Variants in FER observed in about 807,000 individuals in gnomAD.
FER encodes the protein FER tyrosine kinase.
In FER, 63 loss-of-function variants were observed where a neutral mutation model predicts 111.0. The observed-to-expected ratio is 0.57, with a 90% CI of 0.46 to 0.70. FER has a LOEUF of 0.70. Among genes scored for constraint, FER ranks in the 30% least tolerant of loss-of-function variants. The probability of loss-of-function intolerance (pLI) is 0.00; values close to 1 mark genes in which losing one functional copy is unlikely to be tolerated. For missense variants in FER, 914 were observed against 954.0 expected, an observed-to-expected ratio of 0.96 and a Z score of 0.55; for synonymous variants, 327 against 313.9, an observed-to-expected ratio of 1.04 and a Z score of -0.44.
intron 17 of FER, among the ~76,000 whole-genome samples, chr5:109,142,038 A>G (rs1021708644): frequency 6.6e-6 from 1 of 152,142 alleles, no homozygotes; most frequent in African/African-American, 2.4e-5. Flanking sequence ...CTGGTTTGTT[A>G]GTACCACTGA....
chr5:109,108,508 T>G (rs1432207987), intron 17 of FER, among the ~76,000 whole-genome samples: 2 of 152,134 alleles, frequency 1.3e-5, no homozygotes. Context: ...GGATGATTCA[T>G]TCCCTCACAT....
rs966728097 is a variant in FER at position 109,190,275 on chromosome 5, T to TAAGA, written c.*2703_*2706dup. 1.3e-5 allele frequency: 2 copies of TAAGA among 152,166 alleles called. No individual in the cohort carries two copies. The highest frequency in any genetic ancestry group is 4.8e-5 in the African/African-American group (2 of 41,528). The allele number at this position is 152,166 out of a possible 1,614,324, so 9.4% of individuals were successfully genotyped here. A position where few individuals can be genotyped will look rare whatever the true frequency, so the allele number is the denominator to read the frequency against. On this transcript the variant is annotated 3_prime_UTR_variant, in exon 20 of 20. Transcript: ENST00000281092. ...GTACAAAATCCTGTGATTTGTTTAG[T>TAAGA]AAGAAAAGAGTTGTAACCAAAATTT...
intron 13 of FER, among the ~76,000 whole-genome samples, chr5:109,017,399 T>G (rs1290953790): frequency 1.3e-5 from 2 of 152,008 alleles, no homozygotes; most frequent in African/African-American, 4.8e-5. Flanking sequence ...TTGCTTTGGA[T>G]TGTTTTGAAG....
intron 17 of FER, among the ~76,000 whole-genome samples, chr5:109,102,175 A>G (rs1030318916): frequency 2.1e-4 from 32 of 152,188 alleles, no homozygotes; most frequent in African/African-American, 7.0e-4. Context: ...TTCCCTCTCT[A>G]AATCATAATA....
Position 108,821,004 on chromosome 5 carries a change from C to T in FER, c.208-11766C>T, listed in dbSNP as rs75159616. 7.2e-5 allele frequency among the ~76,000 whole-genome samples: 11 copies of T among 152,076 alleles called. 1 individual carries two copies. The East Asian group carries it at 7.7e-4, about 11-fold the overall frequency. On this transcript the variant is annotated intron_variant, in intron 3 of 19. Transcript: ENST00000281092. Reference sequence around the variant, plus strand: ...GCACATGCCTGTAATCCCAGCTACTCGGGAGGTTGAGGCAAGAGAATCACT... The same window carrying T: ...GCACATGCCTGTAATCCCAGCTACTTGGGAGGTTGAGGCAAGAGAATCACT...
chr5:108,924,814 C>T (rs1427787123), intron 10 of FER: 30 of 1,230,520 alleles, frequency 2.4e-5, no homozygotes, highest in Non-Finnish European at 2.9e-5. Flanking sequence ...TGCCACAGGC[C>T]TACTTTACCC....
At chr5:108,816,220 G>A (rs1208536929) in intron 3 of FER, among the ~76,000 whole-genome samples, 3 of 152,114 alleles carry the variant, frequency 2.0e-5, no homozygotes, top group African/African-American at 7.2e-5. Context: ...GAAACCTGAA[G>A]AAGCACTAGG....
intron 13 of FER, among the ~76,000 whole-genome samples, chr5:109,017,423 G>A (rs114043350): frequency 0.012 from 1,779 of 152,062 alleles, 29 homozygotes; most frequent in African/African-American, 0.04. Flanking sequence ...AATGTTGGAT[G>A]TGATGTCCTC....
intron 5 of FER, among the ~76,000 whole-genome samples, chr5:108,853,740 C>T (rs968739117): frequency 5.9e-5 from 9 of 152,052 alleles, no homozygotes; most frequent in Admixed American, 1.3e-4. Context: ...GGTTGACAGG[C>T]GATGCATAGA....
chr5:108,757,493 G>A (rs1751249764), intron 1 of FER, among the ~76,000 whole-genome samples: 3 of 152,152 alleles, frequency 2.0e-5, no homozygotes, highest in Admixed American at 6.5e-5. Flanking sequence ...TTTAACAATG[G>A]AATGTTGAAT....
intron 13 of FER, among the ~76,000 whole-genome samples, chr5:109,028,667 A>T (rs527829627): frequency 4.1e-4 from 62 of 152,338 alleles, no homozygotes; most frequent in African/African-American, 1.5e-3. Context: ...AAAGGCTCAC[A>T]TAAGTTAACA....
intron 17 of FER, among the ~76,000 whole-genome samples, chr5:109,179,462 C>G (rs1758049936): frequency 6.6e-6 from 1 of 152,114 alleles, no homozygotes; most frequent in African/African-American, 2.4e-5. Flanking sequence ...AAGTTTTTCC[C>G]TCCTATGTTC....
chr5:108,796,269 G>A (rs1410877151), intron 2 of FER, among the ~76,000 whole-genome samples: 2 of 152,088 alleles, frequency 1.3e-5, no homozygotes, highest in Non-Finnish European at 2.9e-5. Flanking sequence ...CAGGGGATGG[G>A]GTGACACAGT....
chr5:109,098,739 A>G (rs899888866), intron 16 of FER, among the ~76,000 whole-genome samples: 5 of 151,720 alleles, frequency 3.3e-5, no homozygotes, highest in Non-Finnish European at 5.9e-5. Context: ...AAACTATTTC[A>G]GTCATCATCC....
chr5:108,793,811 G>T (rs992057922), intron 2 of FER, among the ~76,000 whole-genome samples: 4 of 151,446 alleles, frequency 2.6e-5, no homozygotes, highest in Non-Finnish European at 4.4e-5. Flanking sequence ...TTGATTTGAG[G>T]TTACCATGAA....
intron 17 of FER, among the ~76,000 whole-genome samples, chr5:109,129,280 G>A (rs1752090436): frequency 6.6e-6 from 1 of 151,890 alleles, no homozygotes; most frequent in South Asian, 2.1e-4. Context: ...ATAGTTATTG[G>A]AGAATATGGA....
At chr5:108,791,697 C>G (rs1755400007) in intron 2 of FER, among the ~76,000 whole-genome samples, 1 of 151,870 alleles carries the variant, frequency 6.6e-6, no homozygotes, top group Non-Finnish European at 1.5e-5. Flanking sequence ...TGAAATCCAA[C>G]TAATGTGTTT....
At chr5:108,785,495 T>C in intron 2 of FER, 1 of 568,686 alleles carries the variant, frequency 1.8e-6, no homozygotes, top group Non-Finnish European at 3.5e-6. Flanking sequence ...TGGTCATTTG[T>C]TTGCTGGCTA....
chr5:109,014,957 G>A (rs1006296300), intron 13 of FER: 51 of 152,034 alleles, frequency 3.4e-4, no homozygotes, highest in African/African-American at 1.2e-3. Context: ...TGCTTTTAAA[G>A]TTATCTTCTT....
Sources: allele counts gnomAD v4.1 joint callset (sites outside exome capture counted in the v4.1 genomes callset), GRCh38; gene constraint gnomAD v4.1.1; transcripts MANE v1.5; gene names NCBI Gene and HGNC (gene_info 2026-07-23, HGNC 2026-07-21).